Variants in TUBGCP4 observed in about 807,000 individuals in gnomAD.
TUBGCP4 encodes gamma-tubulin complex component 4.
Under a neutral mutation model 91.6 loss-of-function variants are expected in TUBGCP4, and 54 were observed. The ratio of observed to expected loss-of-function variants is 0.59; its 90% CI spans 0.47 to 0.74. The LOEUF (loss-of-function observed/expected upper bound fraction) is 0.74, where lower values mean the gene tolerates loss of function less well. Among genes scored for constraint, TUBGCP4 ranks in the 30% least tolerant of loss-of-function variants. The probability of loss-of-function intolerance (pLI) is 0.00; values close to 1 mark genes in which losing one functional copy is unlikely to be tolerated. For missense variants in TUBGCP4, 593 were observed against 800.9 expected (o/e 0.74, Z 3.13); for synonymous variants, 297 against 302.8 (o/e 0.98, Z 0.20).
intron 11 of TUBGCP4, among the ~76,000 whole-genome samples, chr15:43,396,033 C>T (rs1190362283): frequency 1.3e-5 from 2 of 152,180 alleles, no homozygotes; most frequent in South Asian, 2.1e-4. Context: ...GAAACTCACC[C>T]GAACTAGCCT....
In TUBGCP4 at chr15:43,404,437, C is replaced by T. The variant is rs2044788526; in HGVS notation, c.1873C>T (p.Leu625=). The T allele has an allele frequency of 1.9e-6, 3 of 1,614,056 alleles. No individual in the cohort carries two copies. The South Asian group carries it at 3.3e-5, about 18-fold the overall frequency. ...VKGFSRQSSL[L]FKILSSVRNH... ...GGGCTTTAGCCGCCAGTCTTCACTCCTGTTCAAGATTCTCTCCAGTGTTCG... is the reference window on the plus strand; with the variant it reads ...GGGCTTTAGCCGCCAGTCTTCACTCTTGTTCAAGATTCTCTCCAGTGTTCG... The change falls in exon 17 of 18, where the codon CTG becomes TTG. Residue 625 remains leucine, a synonymous_variant. Coordinates refer to ENST00000564079, the MANE Select transcript of TUBGCP4 (RefSeq NM_014444.5).
chr15:43,390,788 C>T (rs1412890785), intron 9 of TUBGCP4, among the ~76,000 whole-genome samples: 1 of 151,950 alleles, frequency 6.6e-6, no homozygotes, highest in African/African-American at 2.4e-5. Context: ...GGATTATAGG[C>T]GTGAGCCACT....
In TUBGCP4 at chr15:43,407,994, T is replaced by A. The variant is rs1174000112; in HGVS notation, c.*2780T>A. 6.2e-7 allele frequency: 1 copy of A among 1,613,900 alleles called. No individual in the cohort carries two copies. Among genetic ancestry groups the A allele is most frequent in the Admixed American group, 1.7e-5 (1 of 59,994 alleles). ...TGCTTCACAGAGGCTGCACCACCAGTCATGAGGATCTCAGACCAGAGCTCC... is the reference window on the plus strand; with the variant it reads ...TGCTTCACAGAGGCTGCACCACCAGACATGAGGATCTCAGACCAGAGCTCC... On this transcript the variant is annotated 3_prime_UTR_variant, in exon 18 of 18. Coordinates refer to ENST00000564079, the MANE Select transcript of TUBGCP4 (RefSeq NM_014444.5).
intron 5 of TUBGCP4, among the ~76,000 whole-genome samples, chr15:43,378,660 T>G (rs1293130130): frequency 6.6e-6 from 1 of 152,256 alleles, no homozygotes; most frequent in Non-Finnish European, 1.5e-5. Flanking sequence ...CTCTGCTATG[T>G]TCATGCTGTG....
chr15:43,403,926 T>C (rs2044766636), intron 16 of TUBGCP4, 127 bp downstream of exon 16: 3 of 678,444 alleles, frequency 4.4e-6, no homozygotes, highest in Middle Eastern at 2.5e-4. Context: ...AGAGATAAGA[T>C]ACAAAGATAA....
In TUBGCP4 at chr15:43,407,635, A is replaced by G; in HGVS notation, c.*2421A>G. ...CAACTTAGCCCTCCATTAGAAAGAGAGATTTGATTCTAACCAATACATCCC... is the reference window on the plus strand; with the variant it reads ...CAACTTAGCCCTCCATTAGAAAGAGGGATTTGATTCTAACCAATACATCCC... On this transcript the variant is annotated 3_prime_UTR_variant, in exon 18 of 18. Coordinates refer to ENST00000564079, the MANE Select transcript of TUBGCP4 (RefSeq NM_014444.5). 6.8e-7 allele frequency: 1 copy of G among 1,480,674 alleles called. No individual in the cohort carries two copies. Among genetic ancestry groups the G allele is most frequent in the African/African-American group, 1.4e-5 (1 of 71,634 alleles). The allele number at this position is 1,480,674 out of a possible 1,614,324, so 91.7% of individuals were successfully genotyped here.
intron 13 of TUBGCP4, chr15:43,399,219 T>C (rs534739598): frequency 8.9e-7 from 1 of 1,125,026 alleles, no homozygotes; most frequent in Admixed American, 3.2e-5. Context: ...TCTTCCCGTG[T>C]GTCTTTTAAG....
At chr15:43,371,558 A>T in intron 1 of TUBGCP4, 126 bp downstream of exon 1, 1 of 893,090 alleles carries the variant, frequency 1.1e-6, no homozygotes, top group South Asian at 1.5e-5. Context: ...ATCCCTGGAC[A>T]GGTGACTGGA....
At chr15:43,400,542 T>TA (rs2044657977) in intron 14 of TUBGCP4, among the ~76,000 whole-genome samples, 1 of 152,130 alleles carries the variant, frequency 6.6e-6, no homozygotes, top group Non-Finnish European at 1.5e-5. Context: ...TGACTACAGA[T>TA]ACATGCCACC....
chr15:43,393,518 C>T, intron 9 of TUBGCP4, among the ~76,000 whole-genome samples: 1 of 151,832 alleles, frequency 6.6e-6, no homozygotes, highest in African/African-American at 2.4e-5. Flanking sequence ...CATATGTATA[C>T]ATGTGCCATG....
chr15:43,398,749 A>G (rs1429823162), intron 13 of TUBGCP4, among the ~76,000 whole-genome samples: 1 of 152,126 alleles, frequency 6.6e-6, no homozygotes, highest in African/African-American at 2.4e-5. Context: ...TCCAGCCTAC[A>G]TGTCTGCTAT....
chr15:43,379,937 T>C, intron 5 of TUBGCP4, 147 bp from the exon 6 acceptor site: 1 of 747,828 alleles, frequency 1.3e-6, no homozygotes, highest in African/African-American at 1.8e-5. Flanking sequence ...AGGTCCCTCT[T>C]TGAGAACCAC....
Position 43,400,031 on chromosome 15 carries a change from AT to A in TUBGCP4, c.1419-10del. On this transcript the variant is annotated splice_polypyrimidine_tract_variant and intron_variant, in intron 13 of 17. Transcript: ENST00000564079. ...AAATTTTTGTCTTGAATATCCTGTTATTTCTGTCCTAGGTACAATGTTGTTT... is the reference window on the plus strand; with the variant it reads ...AAATTTTTGTCTTGAATATCCTGTTATTCTGTCCTAGGTACAATGTTGTTT... 6 of 1,594,022 alleles carry A rather than the reference AT, an allele frequency of 3.8e-6. No homozygotes were observed. The highest frequency in any genetic ancestry group is 5.2e-6 in the Non-Finnish European group (6 of 1,164,322).
At chr15:43,373,035 G>A (rs1021939420) in intron 1 of TUBGCP4, among the ~76,000 whole-genome samples, 1 of 152,188 alleles carries the variant, frequency 6.6e-6, no homozygotes, top group Non-Finnish European at 1.5e-5. Flanking sequence ...TTTCTGCAGA[G>A]CAGTGTCTTT....
chr15:43,395,193 C>A, intron 10 of TUBGCP4, 36 bp downstream of exon 10: 3 of 1,610,414 alleles, frequency 1.9e-6, no homozygotes, highest in Non-Finnish European at 2.5e-6. Flanking sequence ...TACGGTGATG[C>A]TGGTAGGCAG....
chr15:43,397,091 A>G, intron 11 of TUBGCP4, 123 bp from the exon 12 acceptor site: 1 of 724,882 alleles, frequency 1.4e-6, no homozygotes, highest in South Asian at 1.6e-5. Flanking sequence ...GACAAATGAA[A>G]CAGATGTCCA....
At chr15:43,404,920 C>T (rs1391833287) in intron 17 of TUBGCP4, 1 of 514,038 alleles carries the variant, frequency 1.9e-6, no homozygotes, top group African/African-American at 1.9e-5. Context: ...AGGCGACCAC[C>T]CCTTCTAACT....
At chr15:43,390,522 T>C (rs1237651569) in intron 9 of TUBGCP4, among the ~76,000 whole-genome samples, 2 of 150,570 alleles carry the variant, frequency 1.3e-5, no homozygotes, top group Admixed American at 6.6e-5. Context: ...TTTCTTTTTT[T>C]TTTTTTTGAG....
At chr15:43,392,257 AAAT>A (rs2044485547) in intron 9 of TUBGCP4, among the ~76,000 whole-genome samples, 1 of 151,602 alleles carries the variant, frequency 6.6e-6, no homozygotes, top group South Asian at 2.1e-4. Flanking sequence ...GTTTTCTGAG[AAAT>A]ATATATAAAA....
Sources: allele counts gnomAD v4.1 joint callset (sites outside exome capture counted in the v4.1 genomes callset), GRCh38; gene constraint gnomAD v4.1.1; transcripts MANE v1.5; gene names NCBI Gene and HGNC (gene_info 2026-07-23, HGNC 2026-07-21).